Variants in KCTD8 observed in about 807,000 individuals in gnomAD.
The protein encoded by KCTD8 is BTB/POZ domain-containing protein KCTD8.
In KCTD8, 27 loss-of-function variants were observed where a neutral mutation model predicts 31.5. The observed-to-expected ratio is 0.86, with a 90% CI of 0.63 to 1.18. KCTD8 has a LOEUF of 1.18. Among genes scored for constraint, KCTD8 ranks in the 50% most tolerant of loss-of-function variants. The pLI is 0.00. For missense variants in KCTD8, 658 were observed against 647.7 expected (o/e 1.02, Z -0.17); for synonymous variants, 290 against 280.0 (o/e 1.04, Z -0.36).
chr4:44,310,103 C>T (rs1418650606), intron 1 of KCTD8, among the ~76,000 whole-genome samples: 1 of 151,910 alleles, frequency 6.6e-6, no homozygotes, highest in Non-Finnish European at 1.5e-5. Flanking sequence ...GAAATATAAC[C>T]TTTTTGGTTT....
chr4:44,447,807 C>A lies in KCTD8; in HGVS notation c.717G>T (p.Gly239=). The change falls in exon 1 of 2, where the codon GGG becomes GGT. Residue 239 remains glycine (G), a synonymous_variant. Transcript: ENST00000360029. The part of the protein sequence containing the change: ...FRRVARIMVC[G]RIALAKEVFG... Reference sequence around the variant, plus strand: ...AGACCTCCTTGGCCAGCGCGATGCGCCCGCACACCATGATGCGCGCCACAC... The same window carrying A: ...AGACCTCCTTGGCCAGCGCGATGCGACCGCACACCATGATGCGCGCCACAC... The A allele has an allele frequency of 6.2e-7, 1 of 1,604,998 alleles. No homozygotes were observed. The highest frequency in any genetic ancestry group is 8.5e-7 in the Non-Finnish European group (1 of 1,174,812).
intron 1 of KCTD8, among the ~76,000 whole-genome samples, chr4:44,219,316 G>C (rs569823725): frequency 7.9e-5 from 12 of 152,282 alleles, no homozygotes; most frequent in African/African-American, 2.6e-4. Context: ...TCCCCAAAAG[G>C]TATGTTGAAG....
chr4:44,322,889 G>A (rs1718333218), intron 1 of KCTD8, among the ~76,000 whole-genome samples: 1 of 151,846 alleles, frequency 6.6e-6, no homozygotes, highest in Non-Finnish European at 1.5e-5. Context: ...AAAATAAATT[G>A]GCTACAAGTG....
chr4:44,291,550 G>A (rs1300907628), intron 1 of KCTD8, among the ~76,000 whole-genome samples: 19 of 152,102 alleles, frequency 1.2e-4, no homozygotes, highest in East Asian at 1.9e-4. Flanking sequence ...TACCCTTCCC[G>A]ACATTGATCT....
chr4:44,365,054 T>A (rs1721345373), intron 1 of KCTD8, among the ~76,000 whole-genome samples: 2 of 152,110 alleles, frequency 1.3e-5, no homozygotes, highest in South Asian at 4.1e-4. Flanking sequence ...GTAAACCTTA[T>A]AATAAACTAT....
chr4:44,238,105 C>T (rs1283475746), intron 1 of KCTD8, among the ~76,000 whole-genome samples: 1 of 152,158 alleles, frequency 6.6e-6, no homozygotes, highest in African/African-American at 2.4e-5. Context: ...CCCTTACTCT[C>T]TATGCTCTTC....
chr4:44,329,793 T>G lies in KCTD8; in HGVS notation c.961+117770A>C, dbSNP rs190812418. On this transcript the variant is annotated intron_variant, in intron 1 of 1. Coordinates refer to ENST00000360029, the MANE Select transcript of KCTD8 (RefSeq NM_198353.3). ...TTAACAGTACTCTATCAGTATAATA[T>G]TCTTGAGATACAAATAATTCTTGGA... Among the ~76,000 whole-genome samples, 896 of 152,110 alleles carry G rather than the reference T, an allele frequency of 5.9e-3. 7 individuals carry two copies. The highest frequency in any genetic ancestry group is 9.1e-3 in the Non-Finnish European group (620 of 67,880).
At chr4:44,255,532 A>G (rs1023521649) in intron 1 of KCTD8, among the ~76,000 whole-genome samples, 4 of 151,840 alleles carry the variant, frequency 2.6e-5, no homozygotes, top group African/African-American at 7.2e-5. Flanking sequence ...TATTTCACAG[A>G]TCTCTATTGT....
rs1467942556 is a variant in KCTD8 at position 44,191,024 on chromosome 4, G to A, written c.962-15774C>T. 4.6e-5 allele frequency among the ~76,000 whole-genome samples: 7 copies of A among 152,230 alleles called. No individual in the cohort carries two copies. The East Asian group carries it at 1.4e-3, about 29-fold the overall frequency. Reference sequence around the variant, plus strand: ...ACTTAATGCTGTTGTGGGAAGTCAGGGACCCTGAATGGAGGGACCGGCTGG... The same window carrying A: ...ACTTAATGCTGTTGTGGGAAGTCAGAGACCCTGAATGGAGGGACCGGCTGG... On this transcript the variant is annotated intron_variant, in intron 1 of 1. Transcript: ENST00000360029.
chr4:44,191,484 A>T (rs1425371467), intron 1 of KCTD8, among the ~76,000 whole-genome samples: 2 of 152,154 alleles, frequency 1.3e-5, no homozygotes, highest in East Asian at 3.9e-4. Flanking sequence ...CTATAAATGG[A>T]TGTGCAAGTA....
intron 1 of KCTD8, among the ~76,000 whole-genome samples, chr4:44,279,614 A>G (rs1299803454): frequency 1.3e-5 from 2 of 152,040 alleles, no homozygotes. Flanking sequence ...TCCCACATAC[A>G]CAGCATATTC....
At chr4:44,435,833 G>C (rs140665666) in intron 1 of KCTD8, among the ~76,000 whole-genome samples, 17 of 152,188 alleles carry the variant, frequency 1.1e-4, no homozygotes, top group African/African-American at 4.1e-4. Context: ...ATCCCATTGA[G>C]ATGGGCTTCT....
chr4:44,288,768 C>T (rs1717175676), intron 1 of KCTD8, among the ~76,000 whole-genome samples: 2 of 151,932 alleles, frequency 1.3e-5, no homozygotes, highest in Non-Finnish European at 2.9e-5. Flanking sequence ...ATCCCATTTT[C>T]AAAATTAATT....
chr4:44,318,321 T>A (rs576399144), intron 1 of KCTD8, among the ~76,000 whole-genome samples: 1 of 152,044 alleles, frequency 6.6e-6, no homozygotes, highest in East Asian at 1.9e-4. Context: ...GCCTCAAACT[T>A]CTAGGTTCAA....
At chr4:44,365,505 C>T (rs910373040) in intron 1 of KCTD8, among the ~76,000 whole-genome samples, 1 of 151,790 alleles carries the variant, frequency 6.6e-6, no homozygotes. Flanking sequence ...GAATAGAATA[C>T]GGAAATGTTG....
At chr4:44,372,700 G>A (rs1442000841) in intron 1 of KCTD8, among the ~76,000 whole-genome samples, 1 of 152,030 alleles carries the variant, frequency 6.6e-6, no homozygotes, top group African/African-American at 2.4e-5. Flanking sequence ...GAAAAGAAAG[G>A]TCTTAAAGCT....
chr4:44,257,744 C>G (rs1031135972), intron 1 of KCTD8, among the ~76,000 whole-genome samples: 1 of 151,980 alleles, frequency 6.6e-6, no homozygotes, highest in African/African-American at 2.4e-5. Flanking sequence ...AATGAGGATG[C>G]AAGGCAGCCA....
intron 1 of KCTD8, among the ~76,000 whole-genome samples, chr4:44,421,494 T>A (rs2109471077): frequency 6.6e-6 from 1 of 152,256 alleles, no homozygotes; most frequent in East Asian, 1.9e-4. Context: ...ATGAACCTTT[T>A]AACAAGAACC....
rs1286965180 is a variant in KCTD8 at position 44,335,387 on chromosome 4, G to A, written c.961+112176C>T. ...AAATACCTTCTTTTACATATAATCT[G>A]AACACCAAACCCCGAGACACACAAT... is the stretch of plus-strand genomic sequence containing the variant. On this transcript the variant is annotated intron_variant, in intron 1 of 1. Coordinates refer to ENST00000360029, the MANE Select transcript of KCTD8 (RefSeq NM_198353.3). 3.3e-5 allele frequency among the ~76,000 whole-genome samples: 5 copies of A among 151,430 alleles called. No homozygotes were observed. In the East Asian group the frequency reaches 9.7e-4, roughly 29 times the overall value.
Sources: allele counts gnomAD v4.1 joint callset (sites outside exome capture counted in the v4.1 genomes callset), GRCh38; gene constraint gnomAD v4.1.1; transcripts MANE v1.5; gene names NCBI Gene and HGNC (gene_info 2026-07-23, HGNC 2026-07-21).